SEL1L: variants seen among roughly 807,000 people sequenced by gnomAD.
SEL1L encodes the protein SEL1L adaptor subunit of SYVN1 ubiquitin ligase.
A neutral mutation model predicts 109.8 loss-of-function variants in SEL1L; 52 were observed. The ratio of observed to expected loss-of-function variants is 0.47; its 90% confidence interval spans 0.38 to 0.60. The LOEUF (loss-of-function observed/expected upper bound fraction) is 0.60, where lower values mean the gene tolerates loss of function less well. Among genes scored for constraint, SEL1L ranks in the 20% least tolerant of loss-of-function variants. The pLI, the probability that SEL1L is intolerant of heterozygous loss-of-function variation, is 0.00. For missense variants in SEL1L, 749 were observed against 962.2 expected, an observed-to-expected ratio of 0.78 and a Z score of 2.93; for synonymous variants, 373 against 339.6, an observed-to-expected ratio of 1.10 and a Z score of -1.08.
Position 81,498,477 on chromosome 14 carries a change from A to G in SEL1L, c.909T>C (p.Ala303=), listed in dbSNP as rs762350255. Reference sequence around the variant, plus strand: ...CACAACTCTGGAGGACGCCGATGCCAGCCCAGTATCTGTAACCCTGTAAAA... The same window carrying G: ...CACAACTCTGGAGGACGCCGATGCCGGCCCAGTATCTGTAACCCTGTAAAA... ...AHMVLGYRYW[A]GIGVLQSCES... Residue 303 remains alanine, a synonymous_variant, in exon 9 of 21, where the codon GCT becomes GCC. Coordinates refer to ENST00000336735, the MANE Select transcript of SEL1L (RefSeq NM_005065.6). The G allele has an allele frequency of 2.5e-6, 4 of 1,613,970 alleles. No individual in the cohort carries two copies. The highest frequency in any genetic ancestry group is 3.4e-6 in the Non-Finnish European group (4 of 1,179,954).
chr14:81,531,586 C>G (rs1346477557), intron 1 of SEL1L, among the ~76,000 whole-genome samples: 2 of 151,820 alleles, frequency 1.3e-5, no homozygotes, highest in Non-Finnish European at 2.9e-5. Context: ...CAGGGTCTCG[C>G]TCTATTGTCC....
intron 19 of SEL1L, among the ~76,000 whole-genome samples, chr14:81,482,149 G>A (rs1566970150): frequency 6.6e-6 from 1 of 151,944 alleles, no homozygotes; most frequent in African/African-American, 2.4e-5. Context: ...TCTTATCAAA[G>A]GAGTACTATG....
intron 3 of SEL1L, among the ~76,000 whole-genome samples, chr14:81,511,771 G>C (rs1884485598): frequency 6.6e-6 from 1 of 152,176 alleles, no homozygotes; most frequent in African/African-American, 2.4e-5. Flanking sequence ...TTTTAAGCAA[G>C]ATGTAGTCAG....
At chr14:81,485,826 G>C (rs1903504239) in intron 17 of SEL1L, 80 bp from the exon 18 acceptor site, 1 of 1,092,436 alleles carries the variant, frequency 9.2e-7, no homozygotes, top group African/African-American at 1.6e-5. Flanking sequence ...AAGTAGGAAG[G>C]ATAGGTGAAG....
intron 3 of SEL1L, among the ~76,000 whole-genome samples, chr14:81,519,832 G>A (rs1884840109): frequency 6.6e-6 from 1 of 152,226 alleles, no homozygotes; most frequent in Non-Finnish European, 1.5e-5. Flanking sequence ...TAAACAGTGA[G>A]GAGAATCTGT....
At chr14:81,520,479 A>G (rs1221376437) in intron 3 of SEL1L, among the ~76,000 whole-genome samples, 1 of 152,230 alleles carries the variant, frequency 6.6e-6, no homozygotes, top group Admixed American at 6.5e-5. Context: ...ATAAAACAAA[A>G]TAACATTAAT....
intron 19 of SEL1L, among the ~76,000 whole-genome samples, chr14:81,482,270 T>A (rs1053894542): frequency 6.6e-6 from 1 of 152,224 alleles, no homozygotes; most frequent in Admixed American, 6.5e-5. Context: ...AAAAACAGAT[T>A]AGTTATATCA....
chr14:81,510,283 GGAAATCAGTGATTATAGAGAAC>G (rs1324751150), intron 3 of SEL1L, among the ~76,000 whole-genome samples: 11 of 152,212 alleles, frequency 7.2e-5, no homozygotes, highest in African/African-American at 2.2e-4. Context: ...AGAGAGAAAG[GGAAATCAGTGATTATAGAGAAC>G]GATTTCAAAG....
intron 11 of SEL1L, among the ~76,000 whole-genome samples, chr14:81,493,605 A>G (rs918868091): frequency 2.0e-5 from 3 of 152,214 alleles, no homozygotes; most frequent in Non-Finnish European, 2.9e-5. Flanking sequence ...TTTCTCTCCA[A>G]TGATGACTGT....
At chr14:81,479,518 C>A in intron 20 of SEL1L, 94 bp downstream of exon 20, 2 of 1,332,470 alleles carry the variant, frequency 1.5e-6, no homozygotes, top group Non-Finnish European at 2.0e-6. Context: ...TGCAGGACCA[C>A]TCTTCCCTGT....
rs775332268 is a variant in SEL1L at position 81,499,401 on chromosome 14, A to G, written c.891+58T>C. The G allele has an allele frequency of 2.2e-5, 34 of 1,580,214 alleles. No homozygotes were observed. In the South Asian group the frequency reaches 4.0e-4, roughly 19 times the overall value. On this transcript the variant is annotated intron_variant, in intron 8 of 20. Transcript: ENST00000336735. ...GAAAGCTGAAAAAGTTGTGGCCGCT[A>G]TAAACCACAAATTCTTCTGATGTTA...
chr14:81,527,010 C>T, intron 2 of SEL1L, 46 bp from the exon 3 acceptor site: 1 of 1,392,636 alleles, frequency 7.2e-7, no homozygotes. Flanking sequence ...CCAAGACTTT[C>T]CCCAACCCTA....
intron 3 of SEL1L, among the ~76,000 whole-genome samples, chr14:81,507,670 A>G (rs903759009): frequency 6.6e-6 from 1 of 152,266 alleles, no homozygotes; most frequent in South Asian, 2.1e-4. Context: ...CTAAAAAAAA[A>G]AAAAAAAATT....
intron 3 of SEL1L, among the ~76,000 whole-genome samples, chr14:81,522,763 T>A (rs1432048502): frequency 1.3e-5 from 2 of 152,212 alleles, no homozygotes; most frequent in Non-Finnish European, 2.9e-5. Context: ...TAAAATGACG[T>A]AGTACTTGCA....
chr14:81,486,288 C>A lies in SEL1L; in HGVS notation c.1798+1G>T. ...TAAGGCAGGACTAAAATGAACCTTACTCTGATCAAGAATAAAGGCTGCATT... is the reference window on the plus strand; with the variant it reads ...TAAGGCAGGACTAAAATGAACCTTAATCTGATCAAGAATAAAGGCTGCATT... On this transcript the variant is annotated splice_donor_variant, in intron 17 of 20. Transcript: ENST00000336735. LOFTEE classifies it high-confidence loss of function. 1 of 1,614,068 alleles carries A rather than the reference C, an allele frequency of 6.2e-7. No homozygotes were observed. Among genetic ancestry groups the A allele is most frequent in the Non-Finnish European group, 8.5e-7 (1 of 1,179,964 alleles).
intron 6 of SEL1L, 130 bp from the exon 7 acceptor site, chr14:81,499,792 A>T (rs1357750573): frequency 3.3e-6 from 2 of 605,008 alleles, no homozygotes; most frequent in East Asian, 5.9e-5. Context: ...TTTGAATTCA[A>T]GTATGTACAA....
At chr14:81,486,039 T>G (rs1278934563) in intron 17 of SEL1L, among the ~76,000 whole-genome samples, 1 of 152,200 alleles carries the variant, frequency 6.6e-6, no homozygotes, top group Admixed American at 6.5e-5. Flanking sequence ...ATCCACTGTA[T>G]TTTGAAAAAT....
intron 6 of SEL1L, among the ~76,000 whole-genome samples, chr14:81,502,456 A>G (rs1468130879): frequency 1.3e-5 from 2 of 152,234 alleles, no homozygotes; most frequent in Non-Finnish European, 1.5e-5. Flanking sequence ...AATTATCTTC[A>G]TATTTCATTC....
intron 6 of SEL1L, among the ~76,000 whole-genome samples, chr14:81,500,719 C>T (rs1259402366): frequency 6.6e-6 from 1 of 151,982 alleles, no homozygotes; most frequent in African/African-American, 2.4e-5. Context: ...ACTATGAAAA[C>T]AGACAAGATA....
Sources: gnomAD v4.1 joint callset for allele counts (sites outside exome capture counted in the v4.1 genomes callset) on GRCh38, gnomAD v4.1.1 for gene constraint, MANE v1.5 for transcripts, NCBI Gene and HGNC (gene_info 2026-07-23, HGNC 2026-07-21) for gene names.